The following SLC5A11 variants were observed in gnomAD, a reference collection of about 807,000 sequenced individuals.
SLC5A11 encodes solute carrier family 5 member 11.
Under a neutral mutation model 69.8 loss-of-function variants are expected in SLC5A11, and 48 were observed. That is an observed-to-expected ratio of 0.69 (90% CI 0.55 to 0.87). The LOEUF (loss-of-function observed/expected upper bound fraction) is 0.87. Among genes scored for constraint, SLC5A11 ranks in the 40% least tolerant of loss-of-function variants. The pLI, the probability that SLC5A11 is intolerant of heterozygous loss-of-function variation, is 0.00. For missense variants in SLC5A11, 784 were observed against 866.1 expected (o/e 0.91, Z 1.19); for synonymous variants, 319 against 342.4 (o/e 0.93, Z 0.75).
rs1567684557 is a variant in SLC5A11, at chr16:24,901,929, A to ACACAC, written c.1006+3820_1006+3821insCACAC. On this transcript the variant is annotated intron_variant, in intron 10 of 15. Transcript: ENST00000347898. ...GCAAGATCCCATCTCTGGAAAAAAA[A>ACACAC]ATACACACACACACACACACACACA... Among the ~76,000 whole-genome samples, 107 of 111,340 alleles carry ACACAC rather than the reference A, an allele frequency of 9.6e-4. 1 individual carries two copies. Among genetic ancestry groups the ACACAC allele is most frequent in the African/African-American group, 3.8e-3 (104 of 27,044 alleles). 73.0% of individuals were successfully genotyped at this position (111,340 alleles called of 152,430 possible).
chr16:24,847,395 C>G (rs76149957), intron 1 of SLC5A11, among the ~76,000 whole-genome samples: 2,775 of 150,968 alleles, frequency 0.018, 84 homozygotes, highest in African/African-American at 0.063. Context: ...CTCTCTCTCT[C>G]TGTGTGTGTT....
intron 7 of SLC5A11, among the ~76,000 whole-genome samples, chr16:24,881,935 A>G (rs1003009993): frequency 2.6e-5 from 4 of 152,206 alleles, no homozygotes; most frequent in African/African-American, 9.7e-5. Context: ...GCCATGGAAT[A>G]CTATTGGATG....
At chr16:24,901,852 A>G (rs940570223) in intron 10 of SLC5A11, among the ~76,000 whole-genome samples, 18 of 151,994 alleles carry the variant, frequency 1.2e-4, no homozygotes, top group African/African-American at 3.9e-4. Context: ...TGGGAGGCCA[A>G]GGCAGGAAGA....
At chr16:24,875,601 G>A (rs2047618873) in intron 5 of SLC5A11, 26 bp from the exon 7 acceptor site, 2 of 1,601,786 alleles carry the variant, frequency 1.2e-6, no homozygotes, top group South Asian at 1.1e-5. Context: ...GTCCGCTGGT[G>A]GTGAAATCTC....
At chr16:24,850,305 G>A (rs1311985608) in intron 1 of SLC5A11, among the ~76,000 whole-genome samples, 1 of 152,194 alleles carries the variant, frequency 6.6e-6, no homozygotes, top group Non-Finnish European at 1.5e-5. Flanking sequence ...TGAACCCCAT[G>A]GCATCAACGG....
In SLC5A11 at chr16:24,884,123, T is replaced by C; in HGVS notation, c.656T>C (p.Met219Thr). Residue 219 changes from methionine to threonine, a missense_variant, in exon 8 of 16, where the codon ATG becomes ACG. By Grantham distance (81) the Met-to-Thr change is moderately conservative. Around this residue, in one of 3 missense-constraint regions of SLC5A11, gnomAD observed 550 missense variants for 606.4 expected, o/e 0.91. Coordinates refer to ENST00000347898, the Ensembl canonical transcript of SLC5A11. ...ATGCTTATAGGAGCGCTCACCTTGA[T>C]GGGCTACAGTAAGTGGGGTCCCCGG... is the stretch of plus-strand genomic sequence containing the variant. 3.1e-6 allele frequency: 5 copies of C among 1,614,064 alleles called. No homozygotes were observed. The South Asian group carries it at 5.5e-5, about 18-fold the overall frequency.
In SLC5A11 at chr16:24,851,993, C is replaced by T. The variant is rs1158072398; in HGVS notation, c.-25+5555C>T. ...CTTCTCTCTCTCTCTCTCTCTCTCTCTCCCACTCTATCTGTTTCTCCCCCG... is the reference window on the plus strand; with the variant it reads ...CTTCTCTCTCTCTCTCTCTCTCTCTTTCCCACTCTATCTGTTTCTCCCCCG... On this transcript the variant is annotated intron_variant, in intron 1 of 15. Transcript: ENST00000347898. 2.7e-4 allele frequency among the ~76,000 whole-genome samples: 40 copies of T among 149,024 alleles called. 1 individual carries two copies. In the Admixed American group the frequency reaches 2.7e-3, roughly 10 times the overall value.
chr16:24,889,760 T>A (rs112962769), intron 8 of SLC5A11, among the ~76,000 whole-genome samples: 2,717 of 151,572 alleles, frequency 0.018, 101 homozygotes, highest in African/African-American at 0.062. Context: ...GTGGGCCAGG[T>A]TGGTCTCGAA....
intron 3 of SLC5A11, among the ~76,000 whole-genome samples, chr16:24,869,198 C>T (rs2047118346): frequency 6.6e-6 from 1 of 152,016 alleles, no homozygotes; most frequent in Admixed American, 6.6e-5. Context: ...TCTCATTCTC[C>T]CCTGTCTCTG....
intron 14 of SLC5A11, among the ~76,000 whole-genome samples, 172 bp downstream of exon 15, chr16:24,909,268 C>G (rs1463051716): frequency 6.6e-6 from 1 of 152,152 alleles, no homozygotes; most frequent in East Asian, 1.9e-4. Context: ...CAGAATCCAT[C>G]TGCACTTCTG....
At chr16:24,858,669 A>C (rs758887512) in exon 2 of SLC5A11, 4 of 1,610,736 alleles carry the variant, frequency 2.5e-6, no homozygotes, top group Non-Finnish European at 2.5e-6. Flanking sequence ...AGCAGCCCTC[A>C]GCCTCCACAG....
intron 3 of SLC5A11, among the ~76,000 whole-genome samples, chr16:24,864,284 T>C (rs2046782205): frequency 6.6e-6 from 1 of 151,968 alleles, no homozygotes; most frequent in South Asian, 2.1e-4. Flanking sequence ...TAAGGCAGAG[T>C]TATAAGCTGG....
chr16:24,855,549 TG>T (rs1168528859), intron 1 of SLC5A11, among the ~76,000 whole-genome samples: 1 of 151,932 alleles, frequency 6.6e-6, no homozygotes, highest in Admixed American at 6.6e-5. Context: ...TGCAGTGAGC[TG>T]TGATTGTGCC....
At chr16:24,880,227 AG>A (rs940884146) in intron 7 of SLC5A11, among the ~76,000 whole-genome samples, 1 of 152,204 alleles carries the variant, frequency 6.6e-6, no homozygotes, top group African/African-American at 2.4e-5. Flanking sequence ...AAGCATGGCT[AG>A]GAGGCCTCAG....
chr16:24,883,689 A>G (rs1359626648), intron 7 of SLC5A11, among the ~76,000 whole-genome samples: 1 of 152,130 alleles, frequency 6.6e-6, no homozygotes, highest in East Asian at 1.9e-4. Context: ...CTCTTCCTTC[A>G]CTAGGTTAGA....
At position 24,870,442 on chromosome 16, in the gene SLC5A11, A is replaced by ACCACACAC. The variant is rs71156449; in HGVS notation, c.312+437_312+438insCCACACAC. Among the ~76,000 whole-genome samples, 339 of 140,612 alleles carry ACCACACAC rather than the reference A, an allele frequency of 2.4e-3. 3 individuals carry two copies. The highest frequency in any genetic ancestry group is 0.022 in the Middle Eastern group (6 of 274). The allele number at this position is 140,612 out of a possible 152,430, so 92.2% of individuals were successfully genotyped here. Reference sequence around the variant, plus strand: ...AAACAAAACAAAAAAAACAAAAAAAAACACACACACACACACACACACAAA... The same window carrying ACCACACAC: ...AAACAAAACAAAAAAAACAAAAAAAACCACACACACACACACACACACACACACACAAA... On this transcript the variant is annotated intron_variant, in intron 4 of 15. Coordinates refer to ENST00000347898, the Ensembl canonical transcript of SLC5A11.
At chr16:24,905,162 A>G (rs927690965) in intron 10 of SLC5A11, among the ~76,000 whole-genome samples, 1 of 151,838 alleles carries the variant, frequency 6.6e-6, no homozygotes, top group Non-Finnish European at 1.5e-5. Flanking sequence ...ACAACCCTCA[A>G]AACACAATCC....
chr16:24,871,444 T>A (rs1271832616), intron 4 of SLC5A11, among the ~76,000 whole-genome samples: 1 of 152,068 alleles, frequency 6.6e-6, no homozygotes, highest in Non-Finnish European at 1.5e-5. Flanking sequence ...CTAATTTTCA[T>A]ATTTTTTTGT....
At chr16:24,905,629 C>CGA (rs2049981010) in intron 10 of SLC5A11, among the ~76,000 whole-genome samples, 3 of 49,384 alleles carry the variant, frequency 6.1e-5, no homozygotes, top group African/African-American at 3.1e-4. Context: ...CTCAAAAACA[C>CGA]GCGCGCGCGC....
Sources: gnomAD v4.1 joint callset for allele counts (sites outside exome capture counted in the v4.1 genomes callset) on GRCh38, gnomAD v4.1.1 for gene constraint, gnomAD v4.1.1 regional missense constraint, MANE v1.5 for transcripts, NCBI Gene and HGNC (gene_info 2026-07-23, HGNC 2026-07-21) for gene names.